ASPHD1: variants seen among roughly 807,000 people sequenced by gnomAD.
The protein encoded by ASPHD1 is aspartate beta-hydroxylase domain-containing protein 1.
A neutral mutation model predicts 28.3 loss-of-function variants in ASPHD1; 20 were observed. The ratio of observed to expected loss-of-function variants is 0.71; its 90% CI spans 0.50 to 1.03. The LOEUF is 1.03. Among genes scored for constraint, ASPHD1 ranks in the 50% least tolerant of loss-of-function variants. The probability of loss-of-function intolerance (pLI) is 0.00; values close to 1 mark genes in which losing one functional copy is unlikely to be tolerated. For missense variants in ASPHD1, 479 were observed against 524.1 expected (o/e 0.91, Z 0.84); for synonymous variants, 240 against 221.2 (o/e 1.08, Z -0.75).
At chr16:29,918,653 A>T (rs1389324019) in intron 3 of ASPHD1, among the ~76,000 whole-genome samples, 2 of 147,126 alleles carry the variant, frequency 1.4e-5, no homozygotes, top group East Asian at 4.0e-4. Context: ...GTAATTTTTT[A>T]TTTATTTATT....
chr16:29,907,106 C>T (rs2068626979), downstream of ASPHD1: 1 of 1,601,812 alleles, frequency 6.2e-7, no homozygotes, highest in African/African-American at 1.3e-5. Context: ...CTGGAAATTC[C>T]ACCTGCAAAA....
At chr16:29,905,169 G>C in intron 2 of ASPHD1, 1 of 497,096 alleles carries the variant, frequency 2.0e-6, no homozygotes, top group East Asian at 3.8e-5. Context: ...GATTAAATGA[G>C]ATAATATTAC....
At chr16:29,912,260 C>A in intron 3 of ASPHD1, 1 of 593,544 alleles carries the variant, frequency 1.7e-6, no homozygotes, top group South Asian at 2.1e-5. Context: ...ACACATCCAG[C>A]TTGTGCCTGC....
At chr16:29,912,645 G>C (rs1442960112) in intron 3 of ASPHD1, among the ~76,000 whole-genome samples, 1 of 152,176 alleles carries the variant, frequency 6.6e-6, no homozygotes, top group Non-Finnish European at 1.5e-5. Context: ...TCTCCATGTT[G>C]GTCAGGCTGG....
chr16:29,908,372 A>C (rs1235440470), downstream of ASPHD1, among the ~76,000 whole-genome samples: 1 of 151,826 alleles, frequency 6.6e-6, no homozygotes, highest in East Asian at 1.9e-4. Flanking sequence ...CTGTTTTTTT[A>C]ATTTTTTATT....
chr16:29,910,920 C>G, downstream of ASPHD1: 1 of 1,516,170 alleles, frequency 6.6e-7, no homozygotes, highest in Non-Finnish European at 9.0e-7. Flanking sequence ...TGCTTTTGTC[C>G]AGGGTCCTGG....
At position 29,905,981 on chromosome 16, in the gene ASPHD1, C is replaced by T; in HGVS notation, c.*84C>T. On this transcript the variant is annotated 3_prime_UTR_variant, in exon 3 of 3. Transcript: ENST00000308748. ...GATGGTAGCCAGGACCTCCTCTCTA[C>T]TGCGGGGGTGGGCGGGGGCGGAGGA... The T allele has an allele frequency of 1.8e-6, 1 of 560,964 alleles. No homozygotes were observed. The highest frequency in any genetic ancestry group is 3.1e-6 in the Non-Finnish European group (1 of 327,504). The allele number at this position is 560,964 out of a possible 1,614,324, so 34.7% of individuals were successfully genotyped here. A position where few individuals can be genotyped will look rare whatever the true frequency, so the allele number is the denominator to read the frequency against.
intron 1 of ASPHD1, among the ~76,000 whole-genome samples, chr16:29,904,644 C>A (rs975098826): frequency 1.7e-4 from 26 of 150,582 alleles, no homozygotes; most frequent in Non-Finnish European, 3.0e-4. Context: ...ATGGGTCACA[C>A]TACCCACAGC....
chr16:29,918,122 G>T (rs1238235957), intron 3 of ASPHD1, among the ~76,000 whole-genome samples: 1 of 152,236 alleles, frequency 6.6e-6, no homozygotes, highest in Non-Finnish European at 1.5e-5. Flanking sequence ...ATAATCTCAT[G>T]TAATAATGTT....
chr16:29,906,822 G>T (rs771799055), downstream of ASPHD1: 2 of 1,521,120 alleles, frequency 1.3e-6, no homozygotes, highest in Non-Finnish European at 9.1e-7. Flanking sequence ...GAGGGAAAGA[G>T]AGAGGGACTG....
At chr16:29,902,053 A>C (rs2068557317) in intron 1 of ASPHD1, 133 bp downstream of exon 1, 1 of 654,642 alleles carries the variant, frequency 1.5e-6, no homozygotes, top group East Asian at 3.4e-5. Context: ...GTTGCCACCC[A>C]CAGCAGCATT....
At chr16:29,907,090 G>A, downstream of ASPHD1, 1 of 1,606,004 alleles carries the variant, frequency 6.2e-7, no homozygotes, top group Non-Finnish European at 8.5e-7. Flanking sequence ...TCGAAGATCC[G>A]GGCCTCTGGA....
At chr16:29,906,423 G>C (rs1028008262), downstream of ASPHD1, 25 of 412,926 alleles carry the variant, frequency 6.1e-5, no homozygotes, top group Non-Finnish European at 1.1e-4. Context: ...GCTGAGCTGG[G>C]CAGGCCCAGG....
downstream of ASPHD1, chr16:29,910,828 GGTGGCT>G: frequency 1.5e-6 from 1 of 647,384 alleles, no homozygotes; most frequent in Admixed American, 2.9e-5. Flanking sequence ...ACAGGGATAG[GGTGGCT>G]TGCCCACTGT....
chr16:29,900,983 G>T lies in ASPHD1; in HGVS notation c.12G>T (p.Gly4=). Residue 4 remains glycine, a synonymous_variant, in exon 1 of 3, where the codon GGG becomes GGT. Coordinates refer to ENST00000308748, the MANE Select transcript of ASPHD1 (RefSeq NM_181718.4). The part of the protein sequence containing the change: MKE[G]RGSFSVERGP... ...AGGGTTGGAGGTGCATGAAGGAGGG[G>T]AGAGGGAGCTTCAGCGTGGAGAGAG... is the stretch of plus-strand genomic sequence containing the variant. 1 of 1,555,118 alleles carries T rather than the reference G, an allele frequency of 6.4e-7. No individual in the cohort carries two copies. Among genetic ancestry groups the T allele is most frequent in the East Asian group, 2.4e-5 (1 of 41,264 alleles).
At chr16:29,911,886 T>C (rs1278311602) in intron 3 of ASPHD1, 18 of 1,611,552 alleles carry the variant, frequency 1.1e-5, no homozygotes, top group Non-Finnish European at 1.4e-5. Context: ...GGAGAGAGGA[T>C]GGACGAGAGG....
intron 2 of ASPHD1, among the ~76,000 whole-genome samples, chr16:29,905,325 T>C (rs1313599299): frequency 6.6e-6 from 1 of 152,086 alleles, no homozygotes; most frequent in African/African-American, 2.4e-5. Flanking sequence ...GTTTTGATGA[T>C]TAAGAGTTGA....
Position 29,901,299 on chromosome 16 carries a change from A to G in ASPHD1, c.328A>G (p.Ser110Gly), listed in dbSNP as rs1169036763. 6.2e-7 allele frequency: 1 copy of G among 1,611,602 alleles called. No individual in the cohort carries two copies. The highest frequency in any genetic ancestry group is 1.1e-5 in the South Asian group (1 of 90,952). The part of the protein sequence containing the change: ...SQDMQALGAG[S>G]RAGGVRGGPV... The stretch of plus-strand genomic sequence containing the variant: ...AGACATGCAGGCCCTAGGGGCTGGG[A>G]GCCGAGCTGGGGGTGTTCGTGGTGG... Residue 110 changes from serine (S) to glycine (G), a missense_variant, in exon 1 of 3, where the codon AGC becomes GGC. By Grantham distance (56) the Ser-to-Gly change is moderately conservative (BLOSUM62 0). Coordinates refer to ENST00000308748, the MANE Select transcript of ASPHD1 (RefSeq NM_181718.4). The surrounding 1 kb of genome is among the most constrained non-coding windows in gnomAD (Gnocchi z 5.1).
downstream of ASPHD1, chr16:29,910,932 C>T (rs2068696296): frequency 1.9e-6 from 3 of 1,567,034 alleles, no homozygotes; most frequent in African/African-American, 2.7e-5. Context: ...GGGTCCTGGT[C>T]CTGGCCACCC....
Sources: allele counts gnomAD v4.1 joint callset (sites outside exome capture counted in the v4.1 genomes callset), GRCh38; gene constraint gnomAD v4.1.1; non-coding constraint Gnocchi (gnomAD v3.1); transcripts MANE v1.5; gene names NCBI Gene and HGNC (gene_info 2026-07-23, HGNC 2026-07-21).